The following KIAA1217 variants were observed in gnomAD, a reference collection of about 807,000 sequenced individuals.
The protein encoded by KIAA1217 is sickle tail protein homolog.
KIAA1217 carries 88 observed loss-of-function variants against 163.9 expected under a neutral mutation model. That is an observed-to-expected ratio of 0.54 (90% CI 0.45 to 0.64). The LOEUF is 0.64. Ranked by LOEUF, KIAA1217 falls within the 30% of genes least tolerant of loss-of-function variation. KIAA1217 has a pLI of 0.00. For synonymous variants in KIAA1217, 903 were observed against 923.1 expected (o/e 0.98, Z 0.39); for missense variants, 2,372 against 2,475.0 (o/e 0.96, Z 0.88).
chr10:24,079,392 G>T (rs968916747), intron 2 of KIAA1217, among the ~76,000 whole-genome samples: 40 of 152,240 alleles, frequency 2.6e-4, no homozygotes, highest in African/African-American at 9.6e-4. Flanking sequence ...CAGAGTTAGG[G>T]TTAGGTAATT....
intron 9 of KIAA1217, among the ~76,000 whole-genome samples, chr10:24,505,763 CAAGAGAAGG>C (rs2068259458): frequency 6.6e-6 from 1 of 151,992 alleles, no homozygotes; most frequent in Admixed American, 6.5e-5. Flanking sequence ...TGTCCCTTCC[CAAGAGAAGG>C]AGGAGGTAAA....
chr10:24,362,992 C>A (rs1354453727), intron 2 of KIAA1217, among the ~76,000 whole-genome samples: 2 of 151,514 alleles, frequency 1.3e-5, no homozygotes, highest in African/African-American at 2.4e-5. Context: ...AAAAGTGGAA[C>A]TTTGGGTGAG....
chr10:24,169,977 T>C (rs1444757870), intron 2 of KIAA1217, among the ~76,000 whole-genome samples: 1 of 152,262 alleles, frequency 6.6e-6, no homozygotes, highest in African/African-American at 2.4e-5. Context: ...GGGATACTTT[T>C]CATAAACAGG....
intron 1 of KIAA1217, among the ~76,000 whole-genome samples, chr10:23,799,760 T>C (rs1006468018): frequency 4.6e-5 from 7 of 152,160 alleles, no homozygotes; most frequent in Non-Finnish European, 1.0e-4. Flanking sequence ...TCTGTTCTAT[T>C]AAGAGAAACC....
chr10:24,176,243 G>C (rs2065884423), intron 2 of KIAA1217, among the ~76,000 whole-genome samples: 1 of 152,010 alleles, frequency 6.6e-6, no homozygotes. Context: ...GTCTCCACTA[G>C]ATTAGCTAGA....
chr10:24,099,095 T>A (rs1025845562), intron 2 of KIAA1217, among the ~76,000 whole-genome samples: 1 of 152,114 alleles, frequency 6.6e-6, no homozygotes, highest in Non-Finnish European at 1.5e-5. Flanking sequence ...CACCCTTGTT[T>A]GGGCAAATCC....
intron 2 of KIAA1217, among the ~76,000 whole-genome samples, chr10:24,087,468 C>T (rs187951852): frequency 6.1e-4 from 93 of 151,224 alleles, no homozygotes; most frequent in Non-Finnish European, 4.8e-4. Context: ...ACTAGAGGGG[C>T]CCAAATACAT....
intron 6 of KIAA1217, chr10:24,482,536 T>C (rs1366270789): frequency 6.6e-6 from 1 of 152,190 alleles, no homozygotes; most frequent in East Asian, 1.9e-4. Flanking sequence ...AATCCTAGAC[T>C]CTGTTGACAC....
chr10:24,345,023 G>A (rs538739278), intron 2 of KIAA1217, among the ~76,000 whole-genome samples: 71 of 152,322 alleles, frequency 4.7e-4, no homozygotes, highest in African/African-American at 1.5e-3. Context: ...ATAGGCACTC[G>A]TTAGTTCCAC....
intron 2 of KIAA1217, among the ~76,000 whole-genome samples, chr10:24,195,777 G>A (rs557595989): frequency 1.2e-4 from 19 of 152,296 alleles, no homozygotes; most frequent in Non-Finnish European, 2.5e-4. Flanking sequence ...GAAAGGTTTT[G>A]CTTTGGTTTT....
Position 24,211,968 on chromosome 10 carries a change from A to C in KIAA1217, c.70+2705A>C, listed in dbSNP as rs145613925. The stretch of plus-strand genomic sequence containing the variant: ...CTGAGGCAGGAGGATCACTTCAGCC[A>C]GGAGGTTGAGACTGCAGTTAGCCAT... On this transcript the variant is annotated intron_variant, in intron 1 of 20. Coordinates refer to ENST00000376454, the MANE Select transcript of KIAA1217 (RefSeq NM_019590.5). Among the ~76,000 whole-genome samples the C allele has an allele frequency of 3.5e-3, 525 of 152,132 alleles. 5 individuals are homozygous for C. Among genetic ancestry groups the C allele is most frequent in the African/African-American group, 0.012 (488 of 41,498 alleles).
rs144464166 is a variant in KIAA1217 at position 24,096,130 on chromosome 10, A to G, written c.-171+88756A>G. 5.9e-3 allele frequency among the ~76,000 whole-genome samples: 895 copies of G among 152,258 alleles called. 5 individuals are homozygous for G. Among genetic ancestry groups the G allele is most frequent in the African/African-American group, 0.021 (860 of 41,540 alleles). ...CTTGAAAACAAAATGAAACTAAACT[A>G]TTCTAAACTCAGCATCAACCTCCAC... is the stretch of plus-strand genomic sequence containing the variant. On this transcript the variant is annotated intron_variant, in intron 2 of 18. Coordinates refer to the KIAA1217 transcript ENST00000376462.
intron 2 of KIAA1217, among the ~76,000 whole-genome samples, chr10:24,060,024 A>C (rs1173729243): frequency 6.6e-6 from 1 of 152,136 alleles, no homozygotes; most frequent in Admixed American, 6.5e-5. Flanking sequence ...CTGTGGCAGC[A>C]GGTGTAAGTA....
rs573676309 is a variant in KIAA1217, at chr10:24,280,902, T to C, written c.354+60993T>C. ...AAGAATATAAAATTATCAAATACTC[T>C]AGAGAAAGTTGGGTTTATATTCAAA... On this transcript the variant is annotated intron_variant, in intron 2 of 20. Transcript: ENST00000376454. 1.4e-3 allele frequency among the ~76,000 whole-genome samples: 218 copies of C among 152,146 alleles called. No individual in the cohort carries two copies. The South Asian group carries it at 0.015, about 10-fold the overall frequency.
intron 10 of KIAA1217, among the ~76,000 whole-genome samples, chr10:24,517,152 G>A (rs2134398223): frequency 6.7e-6 from 1 of 149,766 alleles, no homozygotes; most frequent in East Asian, 2.0e-4. Context: ...CCCAGCCTGG[G>A]TAACAGAGCA....
intron 1 of KIAA1217, among the ~76,000 whole-genome samples, chr10:23,997,996 C>T (rs1846569623): frequency 6.7e-6 from 1 of 150,212 alleles, no homozygotes; most frequent in African/African-American, 2.4e-5. Context: ...TTTTTTTTTC[C>T]CCCCAAAACT....
rs747331620 is a variant in KIAA1217, at chr10:23,695,459, C to A, written c.-321+225C>A. ...GGTGCCAAAAGGAGAAGACCCCCAACTGGGAGGAGGGACTGGAGAGGAACC... is the reference window on the plus strand; with the variant it reads ...GGTGCCAAAAGGAGAAGACCCCCAAATGGGAGGAGGGACTGGAGAGGAACC... On this transcript the variant is annotated intron_variant, in intron 1 of 18. Transcript: ENST00000376462. This position sits in a 1 kb window ranked among gnomAD's most constrained non-coding sequence, Gnocchi z 4.9. Among the ~76,000 whole-genome samples, 2 of 152,148 alleles carry A rather than the reference C, an allele frequency of 1.3e-5. No homozygotes were observed. Among genetic ancestry groups the A allele is most frequent in the Non-Finnish European group, 2.9e-5 (2 of 68,026 alleles).
intron 2 of KIAA1217, among the ~76,000 whole-genome samples, chr10:24,132,394 T>C (rs1456326525): frequency 6.6e-6 from 1 of 152,204 alleles, no homozygotes; most frequent in Non-Finnish European, 1.5e-5. Context: ...CCAGTCGCTG[T>C]AAGAAAATAC....
intron 2 of KIAA1217, among the ~76,000 whole-genome samples, chr10:24,273,739 C>T (rs554550923): frequency 6.6e-6 from 1 of 151,524 alleles, no homozygotes; most frequent in South Asian, 2.1e-4. Context: ...GTAATCACAG[C>T]TACTCGGGAG....
Sources: gnomAD v4.1 joint callset for allele counts (sites outside exome capture counted in the v4.1 genomes callset) on GRCh38, gnomAD v4.1.1 for gene constraint, Gnocchi (gnomAD v3.1) non-coding constraint, MANE v1.5 for transcripts, NCBI Gene and HGNC (gene_info 2026-07-23, HGNC 2026-07-21) for gene names.